PLEKHO1: variants seen among roughly 807,000 people sequenced by gnomAD.
The protein encoded by PLEKHO1 is pleckstrin homology domain-containing family O member 1.
In PLEKHO1, 22 loss-of-function variants were observed where a neutral mutation model predicts 41.4. The ratio of observed to expected loss-of-function variants is 0.53; its 90% CI spans 0.38 to 0.76. PLEKHO1 has a LOEUF of 0.76. Ranked by LOEUF, PLEKHO1 falls within the 30% of genes least tolerant of loss-of-function variation. The pLI is 0.00. For missense variants in PLEKHO1, 488 were observed against 518.3 expected, an observed-to-expected ratio of 0.94 and a Z score of 0.57; for synonymous variants, 225 against 210.8, an observed-to-expected ratio of 1.07 and a Z score of -0.58.
intron 2 of PLEKHO1, among the ~76,000 whole-genome samples, chr1:150,151,309 C>T (rs782689309): frequency 1.3e-5 from 2 of 152,178 alleles, no homozygotes; most frequent in Non-Finnish European, 2.9e-5. Flanking sequence ...ACGATAAGCC[C>T]CTCCCAAGAT....
intron 4 of PLEKHO1, 97 bp downstream of exon 4, chr1:150,157,112 C>T (rs782402218): frequency 1.3e-5 from 10 of 798,620 alleles, no homozygotes; most frequent in African/African-American, 3.4e-5. Context: ...CCCGTTTACT[C>T]GCTCCTCCAC....
At chr1:150,155,911 G>A (rs782709111) in intron 2 of PLEKHO1, 155 bp from the exon 3 acceptor site, 25 of 663,476 alleles carry the variant, frequency 3.8e-5, no homozygotes, top group Non-Finnish European at 6.6e-5. Context: ...CTCGATGTGA[G>A]GACCTTGTAG....
chr1:150,150,817 A>C (rs1328429033), intron 1 of PLEKHO1, 95 bp from the exon 2 acceptor site: 16 of 1,203,364 alleles, frequency 1.3e-5, no homozygotes, highest in Non-Finnish European at 1.9e-5. Flanking sequence ...CCTTCGGAGG[A>C]GACTGGGCCG....
chr1:150,158,561 C>A (rs1030675101), intron 5 of PLEKHO1, among the ~76,000 whole-genome samples: 3 of 151,650 alleles, frequency 2.0e-5, no homozygotes, highest in Admixed American at 6.6e-5. Flanking sequence ...TGGTGGTGCA[C>A]GCATGTAATC....
chr1:150,157,069 TGTGACCCACTGAAGGGGGAG>T, intron 4 of PLEKHO1, 54 bp downstream of exon 4: 1 of 1,122,994 alleles, frequency 8.9e-7, no homozygotes, highest in Non-Finnish European at 1.4e-6. Context: ...AGGGAACAGC[TGTGACCCACTGAAGGGGGAG>T]GATTGTGCAG....
Position 150,151,016 on chromosome 1 carries a change from T to C in PLEKHO1, c.135T>C (p.Tyr45=), listed in dbSNP as rs1659901780. The change falls in exon 2 of 6, where the codon TAT becomes TAC. Residue 45 remains tyrosine (Y), a synonymous_variant. Transcript: ENST00000369124. The part of the protein sequence containing the change: ...GIFREIWKNR[Y]VVLKGDQLYI... Reference sequence around the variant, plus strand: ...TCAGGGAGATTTGGAAAAACCGCTATGTGGTGCTGAAAGGGGACCAGCTCT... The same window carrying C: ...TCAGGGAGATTTGGAAAAACCGCTACGTGGTGCTGAAAGGGGACCAGCTCT... 6.2e-7 allele frequency: 1 copy of C among 1,614,124 alleles called. No homozygotes were observed. The highest frequency in any genetic ancestry group is 1.3e-5 in the African/African-American group (1 of 75,030).
At chr1:150,153,328 C>T (rs1167603270) in intron 2 of PLEKHO1, among the ~76,000 whole-genome samples, 1 of 152,100 alleles carries the variant, frequency 6.6e-6, no homozygotes, top group Non-Finnish European at 1.5e-5. Flanking sequence ...GCTGGGACTA[C>T]AGGCATGCAC....
At chr1:150,154,672 T>C in intron 2 of PLEKHO1, 1 of 152,194 alleles carries the variant, frequency 6.6e-6, no homozygotes, top group East Asian at 1.9e-4. Flanking sequence ...TGGGGACTGT[T>C]TTGGAAAATA....
At chr1:150,158,508 A>T (rs1660269580) in intron 5 of PLEKHO1, among the ~76,000 whole-genome samples, 1 of 133,658 alleles carries the variant, frequency 7.5e-6, no homozygotes, top group Non-Finnish European at 1.6e-5. Context: ...CAACATGGTG[A>T]AACCCTGCCT....
intron 2 of PLEKHO1, chr1:150,155,165 G>A (rs1199140169): frequency 6.6e-6 from 1 of 152,234 alleles, no homozygotes; most frequent in Non-Finnish European, 1.5e-5. Context: ...GAACCAGAGT[G>A]CGGGACGGAG....
At chr1:150,157,522 A>G (rs781951828) in intron 5 of PLEKHO1, 36 bp downstream of exon 5, 2 of 1,418,006 alleles carry the variant, frequency 1.4e-6, no homozygotes, top group South Asian at 1.2e-5. Flanking sequence ...CCAAAGGGCC[A>G]ATTCTGTGTC....
At position 150,159,654 on chromosome 1, in the gene PLEKHO1, A is replaced by C; in HGVS notation, c.*131A>C. On this transcript the variant is annotated 3_prime_UTR_variant, in exon 6 of 6. Coordinates refer to ENST00000369124, the MANE Select transcript of PLEKHO1 (RefSeq NM_016274.6). ...AACTCATTGCTCTTGCTGATGCCTG[A>C]CCCCACTACAACCCTTATTGCCCCA... 1.5e-6 allele frequency: 1 copy of C among 645,534 alleles called. No individual in the cohort carries two copies. Among genetic ancestry groups the C allele is most frequent in the African/African-American group, 1.8e-5 (1 of 54,674 alleles). 40.0% of individuals were successfully genotyped at this position (645,534 alleles called of 1,614,324 possible). A position where few individuals can be genotyped will look rare whatever the true frequency, so the allele number is the denominator to read the frequency against.
rs1660362125 is a variant in PLEKHO1, at chr1:150,159,813, C to T, written c.*290C>T. 2 of 285,090 alleles carry T rather than the reference C, an allele frequency of 7.0e-6. No individual in the cohort carries two copies. Among genetic ancestry groups the T allele is most frequent in the Non-Finnish European group, 1.3e-5 (2 of 150,258 alleles). The allele number at this position is 285,090 out of a possible 1,614,324, so 17.7% of individuals were successfully genotyped here. Reference sequence around the variant, plus strand: ...ACAGTCTGACCACTCCACACACCGCCCGCCCCCAAGACGGCACAGGGAGTC... The same window carrying T: ...ACAGTCTGACCACTCCACACACCGCTCGCCCCCAAGACGGCACAGGGAGTC... On this transcript the variant is annotated 3_prime_UTR_variant, in exon 6 of 6. Transcript: ENST00000369124.
chr1:150,156,937 G>A lies in PLEKHO1; in HGVS notation c.345G>A (p.Val115=). Residue 115 remains valine (V), a synonymous_variant, in exon 4 of 6, where the codon GTG becomes GTA. Transcript: ENST00000369124. ...CACCCAACCTGATCTTCCTGGCAGT[G>A]AGTCCAGAAGAGAAGGAATCGTGGA... ...NTAPNLIFLA[V]SPEEKESWIN... 6.2e-7 allele frequency: 1 copy of A among 1,613,486 alleles called. No homozygotes were observed. Among genetic ancestry groups the A allele is most frequent in the South Asian group, 1.1e-5 (1 of 91,056 alleles).
At position 150,159,048 on chromosome 1, in the gene PLEKHO1, C is replaced by T. The variant is rs587744000; in HGVS notation, c.755C>T (p.Thr252Ile). The T allele has an allele frequency of 6.2e-7, 1 of 1,614,100 alleles. No individual in the cohort carries two copies. The highest frequency in any genetic ancestry group is 1.3e-5 in the African/African-American group (1 of 75,038). ...TGGGAAAAAACAGACAAAGGGGCCA[C>T]CTACACCCCCCAGGCACCCAAGAAG... is the stretch of plus-strand genomic sequence containing the variant. ...RPWEKTDKGATYTPQAPKKLT... is the reference protein window; with the variant it reads ...RPWEKTDKGAIYTPQAPKKLT... The change falls in exon 6 of 6, where the codon ACC (threonine) becomes ATC (isoleucine). Residue 252 changes from threonine to isoleucine, a missense_variant. Thr to Ile is a moderately conservative substitution (Grantham distance 89). Transcript: ENST00000369124.
chr1:150,152,531 G>A (rs1162581049), intron 2 of PLEKHO1, among the ~76,000 whole-genome samples: 1 of 151,762 alleles, frequency 6.6e-6, no homozygotes, highest in Non-Finnish European at 1.5e-5. Flanking sequence ...CAAAACTCCT[G>A]GCCTCAAGTG....
intron 1 of PLEKHO1, 170 bp from the exon 2 acceptor site, chr1:150,150,742 C>T: frequency 1.7e-6 from 1 of 597,502 alleles, no homozygotes; most frequent in Non-Finnish European, 3.0e-6. Context: ...GGGGGAGTTC[C>T]TCGGAGTGAA....
At position 150,159,205 on chromosome 1, in the gene PLEKHO1, G is replaced by C; in HGVS notation, c.912G>C (p.Gln304His). The C allele has an allele frequency of 2.5e-6, 4 of 1,614,024 alleles. No homozygotes were observed. The highest frequency in any genetic ancestry group is 3.4e-6 in the Non-Finnish European group (4 of 1,179,946). Reference sequence around the variant, plus strand: ...CCCCTGCCCTCCCCAACCCGGGGCAGCTGTCCCGGATCCAGGACCTGGTAG... The same window carrying C: ...CCCCTGCCCTCCCCAACCCGGGGCACCTGTCCCGGATCCAGGACCTGGTAG... ...PPTPALPNPGQLSRIQDLVAR... is the reference protein window; with the variant it reads ...PPTPALPNPGHLSRIQDLVAR... The change falls in exon 6 of 6, where the codon CAG becomes CAC. Residue 304 changes from glutamine (Q) to histidine (H), a missense_variant. Around this residue, in one of 3 missense-constraint regions of PLEKHO1, gnomAD observed 337 missense variants for 324.6 expected, o/e 1.04. Transcript: ENST00000369124.
At position 150,159,903 on chromosome 1, in the gene PLEKHO1, T is replaced by C; in HGVS notation, c.*380T>C. On this transcript the variant is annotated 3_prime_UTR_variant, in exon 6 of 6. Transcript: ENST00000369124. The stretch of plus-strand genomic sequence containing the variant: ...GAGCGGGAGGGGGATGAGGATGTTT[T>C]CTGTTATGTCCCACCCCAGGCCTTC... 5.8e-6 allele frequency: 1 copy of C among 173,376 alleles called. No individual in the cohort carries two copies. The highest frequency in any genetic ancestry group is 1.2e-5 in the Non-Finnish European group (1 of 81,062). 10.7% of individuals were successfully genotyped at this position (173,376 alleles called of 1,614,324 possible).
Sources: gnomAD v4.1 joint callset for allele counts (sites outside exome capture counted in the v4.1 genomes callset) on GRCh38, gnomAD v4.1.1 for gene constraint, gnomAD v4.1.1 regional missense constraint, MANE v1.5 for transcripts, NCBI Gene and HGNC (gene_info 2026-07-23, HGNC 2026-07-21) for gene names.